PDE10A: variants seen among roughly 807,000 people sequenced by gnomAD.
PDE10A encodes phosphodiesterase 10A.
A neutral mutation model predicts 97.7 loss-of-function variants in PDE10A; 39 were observed. The ratio of observed to expected loss-of-function variants is 0.40; its 90% CI spans 0.31 to 0.52. The LOEUF (loss-of-function observed/expected upper bound fraction) is 0.52. Ranked by LOEUF, PDE10A falls within the 20% of genes least tolerant of loss-of-function variation. PDE10A has a pLI of 0.56. For synonymous variants in PDE10A, 371 were observed against 376.8 expected, an observed-to-expected ratio of 0.98 and a Z score of 0.18; for missense variants, 731 against 1,047.8, an observed-to-expected ratio of 0.70 and a Z score of 4.17.
intron 1 of PDE10A, among the ~76,000 whole-genome samples, chr6:165,934,616 G>A (rs1326058203): frequency 1.3e-5 from 2 of 152,170 alleles, no homozygotes; most frequent in Non-Finnish European, 2.9e-5. Flanking sequence ...TCACTGAAAT[G>A]AAGACTTAAC....
Position 165,623,900 on chromosome 6 carries a change from TTCC to T in PDE10A, c.865+38044_865+38046del, listed in dbSNP as rs144058927. ...TGAAAGTCCTCCTTTCTAGCCTGGC[TTCC>T]TCCTCCTCAGTGGCTGCATGCTTCT... On this transcript the variant is annotated intron_variant, in intron 1 of 21. Transcript: ENST00000539869. Among the ~76,000 whole-genome samples the T allele has an allele frequency of 8.5e-5, 13 of 152,348 alleles. No homozygotes were observed. In the East Asian group the frequency reaches 2.5e-3, roughly 29 times the overall value.
At chr6:165,716,885 G>T (rs1033706145) in intron 1 of PDE10A, among the ~76,000 whole-genome samples, 1 of 152,114 alleles carries the variant, frequency 6.6e-6, no homozygotes, top group South Asian at 2.1e-4. Flanking sequence ...AAGCATTTTA[G>T]ACTGTGGCAT....
intron 1 of PDE10A, among the ~76,000 whole-genome samples, chr6:165,603,149 T>C (rs1476301014): frequency 6.6e-6 from 1 of 152,188 alleles, no homozygotes; most frequent in Non-Finnish European, 1.5e-5. Flanking sequence ...CGGGCATCTT[T>C]TAGAAAATAT....
rs191231264 is a variant in PDE10A, at chr6:165,624,641, A to C, written c.865+37306T>G. Among the ~76,000 whole-genome samples the C allele has an allele frequency of 3.1e-4, 47 of 152,332 alleles. No homozygotes were observed. The East Asian group carries it at 6.9e-3, about 23-fold the overall frequency. On this transcript the variant is annotated intron_variant, in intron 1 of 21. Transcript: ENST00000539869. ...TAATCTTGTACAAATGAATTGCAGC[A>C]AACTCTTCATTCACCCATCGGAAAA...
upstream of PDE10A, chr6:165,987,962 C>A (rs1785275526): frequency 7.8e-6 from 3 of 384,898 alleles, no homozygotes; most frequent in Non-Finnish European, 1.6e-5. Flanking sequence ...AACATGAGTG[C>A]TTGTGTGTGC....
In PDE10A at chr6:165,693,507, G is replaced by C. The variant is rs1280947833; in HGVS notation, c.-614-149939C>G. 2.2e-5 allele frequency among the ~76,000 whole-genome samples: 3 copies of C among 138,678 alleles called. No individual in the cohort carries two copies. The Admixed American group carries it at 2.2e-4, about 10-fold the overall frequency. 91.0% of individuals were successfully genotyped at this position (138,678 alleles called of 152,430 possible). The stretch of plus-strand genomic sequence containing the variant: ...GATGGCACCACTGCACTCCAGCTTG[G>C]GCGGCAGAGGGAGGCTCCACCAAAA... On this transcript the variant is annotated intron_variant, in intron 1 of 19. Transcript: ENST00000366882.
At chr6:165,902,248 C>T (rs757308144) in intron 1 of PDE10A, among the ~76,000 whole-genome samples, 1 of 152,236 alleles carries the variant, frequency 6.6e-6, no homozygotes, top group Non-Finnish European at 1.5e-5. Context: ...GGCCACAGCC[C>T]TTGTTTCTCA....
At chr6:165,930,671 A>G (rs1783104059) in intron 1 of PDE10A, among the ~76,000 whole-genome samples, 2 of 152,248 alleles carry the variant, frequency 1.3e-5, no homozygotes, top group African/African-American at 4.8e-5. Context: ...CTGGCTGTGC[A>G]TGGAAGGAAG....
intron 5 of PDE10A, among the ~76,000 whole-genome samples, chr6:165,442,302 C>T (rs373674736): frequency 1.3e-5 from 2 of 152,148 alleles, no homozygotes; most frequent in African/African-American, 4.8e-5. Context: ...GCTCCCCCCA[C>T]CCCACAACAG....
At chr6:165,556,064 A>C (rs779317759) in intron 1 of PDE10A, among the ~76,000 whole-genome samples, 5 of 152,260 alleles carry the variant, frequency 3.3e-5, no homozygotes, top group Non-Finnish European at 7.3e-5. Flanking sequence ...CCATAAATGC[A>C]TAAAATATGT....
In PDE10A at chr6:165,767,469, C is replaced by A. The variant is rs562300370; in HGVS notation, c.-615+220060G>T. ...CCTCCTGCACCCTGTCCCTGGCAACCACTAGCCTCCTTTCTGTCTCTATAG... is the reference window on the plus strand; with the variant it reads ...CCTCCTGCACCCTGTCCCTGGCAACAACTAGCCTCCTTTCTGTCTCTATAG... On this transcript the variant is annotated intron_variant, in intron 1 of 19. Transcript: ENST00000366882. 1.2e-4 allele frequency among the ~76,000 whole-genome samples: 19 copies of A among 152,334 alleles called. No individual in the cohort carries two copies. In the South Asian group the frequency reaches 3.7e-3, roughly 30 times the overall value.
chr6:165,982,741 A>C (rs1280883068), intron 1 of PDE10A, among the ~76,000 whole-genome samples: 1 of 151,778 alleles, frequency 6.6e-6, no homozygotes, highest in African/African-American at 2.4e-5. Context: ...TTATAAGATC[A>C]ATAAATACAA....
chr6:165,605,389 C>G (rs1787159387), intron 1 of PDE10A, among the ~76,000 whole-genome samples: 1 of 152,196 alleles, frequency 6.6e-6, no homozygotes, highest in Admixed American at 6.5e-5. Context: ...CAGCACTTCT[C>G]CCACCATTTC....
chr6:165,422,050 C>A (rs960893542), intron 10 of PDE10A, among the ~76,000 whole-genome samples: 1 of 152,084 alleles, frequency 6.6e-6, no homozygotes, highest in Non-Finnish European at 1.5e-5. Flanking sequence ...GGTGACAGTG[C>A]CAGACCCTGT....
intron 1 of PDE10A, among the ~76,000 whole-genome samples, chr6:165,889,811 C>G (rs888923015): frequency 7.2e-5 from 11 of 151,784 alleles, no homozygotes; most frequent in African/African-American, 2.7e-4. Flanking sequence ...CATTTCCTCA[C>G]TCACCTACTC....
At position 165,342,028 on chromosome 6, in the gene PDE10A, C is replaced by A. The variant is rs555874818; in HGVS notation, c.2895+1363G>T. ...AACTTTACGCAGTTACAATTTAACA[C>A]GGCATCTGTTTGTTTACATTTCTCT... is the stretch of plus-strand genomic sequence containing the variant. On this transcript the variant is annotated intron_variant, in intron 19 of 21. Transcript: ENST00000539869. Among the ~76,000 whole-genome samples, 27 of 152,182 alleles carry A rather than the reference C, an allele frequency of 1.8e-4. 1 individual carries two copies. In the South Asian group the frequency reaches 4.6e-3, roughly 26 times the overall value.
intron 1 of PDE10A, among the ~76,000 whole-genome samples, chr6:165,749,316 A>C (rs553263114): frequency 1.4e-5 from 1 of 72,036 alleles, no homozygotes; most frequent in Non-Finnish European, 3.1e-5. Flanking sequence ...CATCACCATC[A>C]TCACCATCAC....
intron 1 of PDE10A, among the ~76,000 whole-genome samples, chr6:165,902,807 G>A (rs1264026262): frequency 2.0e-5 from 3 of 152,202 alleles, no homozygotes; most frequent in African/African-American, 7.2e-5. Flanking sequence ...TCCTTCCACA[G>A]TCTGGACACA....
chr6:165,344,464 A>C (rs1182476910), intron 18 of PDE10A, among the ~76,000 whole-genome samples: 1 of 152,176 alleles, frequency 6.6e-6, no homozygotes, highest in Non-Finnish European at 1.5e-5. Flanking sequence ...CTCAATTCGA[A>C]TGAGTTTAAG....
Sources: gnomAD v4.1 joint callset for allele counts (sites outside exome capture counted in the v4.1 genomes callset) on GRCh38, gnomAD v4.1.1 for gene constraint, MANE v1.5 for transcripts, NCBI Gene and HGNC (gene_info 2026-07-23, HGNC 2026-07-21) for gene names.